SORCS2: variants seen among roughly 807,000 people sequenced by gnomAD.
SORCS2 encodes VPS10 domain-containing receptor SorCS2.
In SORCS2, 100 loss-of-function variants were observed where a neutral mutation model predicts 141.6. The observed-to-expected ratio is 0.71, with a 90% CI of 0.60 to 0.83. SORCS2 has a LOEUF of 0.83. Ranked by LOEUF, SORCS2 falls within the 40% of genes least tolerant of loss-of-function variation. The probability of loss-of-function intolerance (pLI) is 0.00; values close to 1 mark genes in which losing one functional copy is unlikely to be tolerated. For missense variants in SORCS2, 1,646 were observed against 1,560.2 expected, an observed-to-expected ratio of 1.05 and a Z score of -0.93; for synonymous variants, 789 against 676.9, an observed-to-expected ratio of 1.17 and a Z score of -2.57.
At chr4:7,410,949 C>CA (rs777075538) in intron 2 of SORCS2, among the ~76,000 whole-genome samples, 1 of 73,842 alleles carries the variant, frequency 1.4e-5, no homozygotes, top group African/African-American at 5.1e-5. Context: ...TCTCTCCATC[C>CA]TTTTTTTTTT....
intron 1 of SORCS2, among the ~76,000 whole-genome samples, chr4:7,330,999 G>C (rs1052382253): frequency 5.3e-5 from 8 of 152,154 alleles, no homozygotes; most frequent in African/African-American, 1.9e-4. Flanking sequence ...CTGAGGCTGG[G>C]GGTGAGAAGA....
At chr4:7,415,929 G>A (rs571102560) in intron 2 of SORCS2, among the ~76,000 whole-genome samples, 21 of 152,368 alleles carry the variant, frequency 1.4e-4, no homozygotes, top group African/African-American at 5.0e-4. Flanking sequence ...AGGAGATGAT[G>A]TCTGAACTGG....
intron 3 of SORCS2, among the ~76,000 whole-genome samples, chr4:7,578,070 G>T (rs1267841327): frequency 6.6e-6 from 1 of 152,196 alleles, no homozygotes; most frequent in Admixed American, 6.5e-5. Flanking sequence ...GAGATGTTAG[G>T]CTCATGAGGA....
chr4:7,401,559 T>G (rs1301646228), intron 2 of SORCS2, among the ~76,000 whole-genome samples: 2 of 152,222 alleles, frequency 1.3e-5, no homozygotes, highest in East Asian at 3.8e-4. Context: ...AAAGCTTACC[T>G]TGGGCTGCTC....
intron 2 of SORCS2, among the ~76,000 whole-genome samples, chr4:7,473,330 T>G (rs933521740): frequency 3.3e-5 from 5 of 152,130 alleles, no homozygotes; most frequent in Non-Finnish European, 7.3e-5. Flanking sequence ...CAGGGAGCCC[T>G]CAGCCCAGGG....
chr4:7,723,650 C>T, intron 18 of SORCS2, 47 bp from the exon 19 acceptor site: 1 of 1,602,492 alleles, frequency 6.2e-7, no homozygotes, highest in Non-Finnish European at 8.5e-7. Context: ...TCTGGCCCCT[C>T]AGCTTCAAGG....
intron 3 of SORCS2, among the ~76,000 whole-genome samples, chr4:7,586,528 G>A (rs1716549423): frequency 6.6e-6 from 1 of 152,226 alleles, no homozygotes; most frequent in South Asian, 2.1e-4. Context: ...CCCACACTGT[G>A]TCCATGTGTT....
At chr4:7,453,714 G>GT (rs1728657856) in intron 2 of SORCS2, among the ~76,000 whole-genome samples, 1 of 134,386 alleles carries the variant, frequency 7.4e-6, no homozygotes, top group Non-Finnish European at 1.6e-5. Context: ...GTTGGGGTCA[G>GT]GCACTGTGTT....
intron 1 of SORCS2, among the ~76,000 whole-genome samples, chr4:7,291,949 C>T (rs1716629660): frequency 6.6e-6 from 1 of 152,226 alleles, no homozygotes; most frequent in Non-Finnish European, 1.5e-5. Flanking sequence ...ACACAGGTCT[C>T]ACGGGGCCAA....
intron 2 of SORCS2, among the ~76,000 whole-genome samples, chr4:7,507,906 G>A (rs4689769): frequency 0.57 from 87,056 of 151,978 alleles, 26,861 homozygotes; most frequent in East Asian, 0.99. Flanking sequence ...ATGAGAATAT[G>A]TATAACCACT....
intron 1 of SORCS2, among the ~76,000 whole-genome samples, chr4:7,349,612 C>T (rs149834345): frequency 9.9e-5 from 15 of 152,154 alleles, no homozygotes; most frequent in African/African-American, 3.1e-4. Context: ...GCATGTCCTT[C>T]GCCACCCAGT....
Position 7,434,807 on chromosome 4 carries a change from C to T in SORCS2, c.548+38452C>T, listed in dbSNP as rs377478657. 54 of 1,607,452 alleles carry T rather than the reference C, an allele frequency of 3.4e-5. No homozygotes were observed. In the African/African-American group the frequency reaches 6.5e-4, roughly 19 times the overall value. ...CACACCGTGGAGCCCTTTGCACACT[C>T]CTGGGGGCCTGAGGTGGGGCTGGCC... On this transcript the variant is annotated intron_variant, in intron 2 of 26. Transcript: ENST00000507866.
intron 8 of SORCS2, among the ~76,000 whole-genome samples, chr4:7,674,353 C>A (rs1722971751): frequency 1.3e-5 from 2 of 151,942 alleles, no homozygotes; most frequent in South Asian, 4.2e-4. Flanking sequence ...GAAGGCGGAT[C>A]ACGAGTTCAG....
At chr4:7,397,733 G>T (rs1216771286) in intron 2 of SORCS2, among the ~76,000 whole-genome samples, 1 of 152,210 alleles carries the variant, frequency 6.6e-6, no homozygotes, top group African/African-American at 2.4e-5. Flanking sequence ...CTTTGAAAAT[G>T]TATGTTCCAA....
chr4:7,299,221 G>A (rs1003736717), intron 1 of SORCS2, among the ~76,000 whole-genome samples: 9 of 152,274 alleles, frequency 5.9e-5, no homozygotes, highest in South Asian at 2.1e-4. Context: ...GGAGCCAGGC[G>A]AGGTGGGGGC....
chr4:7,295,576 G>T (rs1428839241), intron 1 of SORCS2, among the ~76,000 whole-genome samples: 2 of 152,184 alleles, frequency 1.3e-5, no homozygotes, highest in Non-Finnish European at 2.9e-5. Flanking sequence ...GGGAAGCGCT[G>T]GTGGGGGCTG....
chr4:7,455,072 A>T (rs1728796021), intron 2 of SORCS2, among the ~76,000 whole-genome samples: 3 of 85,294 alleles, frequency 3.5e-5, no homozygotes, highest in Non-Finnish European at 4.5e-5. Context: ...TGTTGGGGTC[A>T]GCTGCTGTGT....
chr4:7,364,767 C>A (rs1721781107), intron 1 of SORCS2, among the ~76,000 whole-genome samples: 1 of 152,234 alleles, frequency 6.6e-6, no homozygotes, highest in African/African-American at 2.4e-5. Flanking sequence ...CTCCATGTCA[C>A]AGAAGAGAAA....
chr4:7,561,795 C>G lies in SORCS2; in HGVS notation c.648+30166C>G, dbSNP rs549754997. The stretch of plus-strand genomic sequence containing the variant: ...TCTGTCCATCTGTCCATTTGCCCAT[C>G]TGTCTACCCATCTATACATCCATTC... On this transcript the variant is annotated intron_variant, in intron 3 of 26. Transcript: ENST00000507866. 3.9e-5 allele frequency among the ~76,000 whole-genome samples: 6 copies of G among 152,182 alleles called. No homozygotes were observed. The South Asian group carries it at 1.2e-3, about 32-fold the overall frequency.
Sources: gnomAD v4.1 joint callset for allele counts (sites outside exome capture counted in the v4.1 genomes callset) on GRCh38, gnomAD v4.1.1 for gene constraint, MANE v1.5 for transcripts, NCBI Gene and HGNC (gene_info 2026-07-23, HGNC 2026-07-21) for gene names.